Variants in TENM3 observed in about 807,000 individuals in gnomAD.
TENM3 encodes the protein teneurin-3.
In TENM3, 63 loss-of-function variants were observed where a neutral mutation model predicts 255.1. The observed-to-expected ratio is 0.25, with a 90% CI of 0.20 to 0.30. The LOEUF is 0.30. TENM3 is among the 10% of genes least tolerant of loss of function. The probability of loss-of-function intolerance (pLI) is 1.00; values close to 1 mark genes in which losing one functional copy is unlikely to be tolerated. For synonymous variants in TENM3, 1,306 were observed against 1,322.3 expected (o/e 0.99, Z 0.27); for missense variants, 2,929 against 3,461.1 (o/e 0.85, Z 3.86).
chr4:182,381,026 C>T (rs1021927774), intron 3 of TENM3, among the ~76,000 whole-genome samples: 1 of 152,162 alleles, frequency 6.6e-6, no homozygotes, highest in East Asian at 1.9e-4. Context: ...ACAGGGCTGA[C>T]GCTGACGGGC....
chr4:182,377,969 C>T (rs934605075), intron 3 of TENM3, among the ~76,000 whole-genome samples: 20 of 152,126 alleles, frequency 1.3e-4, no homozygotes, highest in African/African-American at 4.8e-4. Flanking sequence ...GGCATGCTCA[C>T]TTCAGTTCAA....
At chr4:181,826,144 T>G in the TENM3 span, among the ~76,000 whole-genome samples, 1 of 152,232 alleles carries the variant, frequency 6.6e-6, no homozygotes, top group South Asian at 2.1e-4. Flanking sequence ...TTACATATAT[T>G]TATTCCTATG....
the TENM3 span, among the ~76,000 whole-genome samples, chr4:181,544,408 TAAAAAAAAAAA>T: frequency 4.4e-5 from 3 of 68,674 alleles, no homozygotes; most frequent in Admixed American, 2.4e-4. Context: ...CCTTCAGGAT[TAAAAAAAAAAA>T]AAAAAAAAAA....
the TENM3 span, among the ~76,000 whole-genome samples, chr4:181,450,420 G>A: frequency 6.6e-6 from 1 of 152,096 alleles, no homozygotes; most frequent in Non-Finnish European, 1.5e-5. Context: ...AACTTGTGAA[G>A]GAACACAATC....
chr4:181,605,559 AAAGAAAGAAAGAGAGAGAAAGAAAGG>A, the TENM3 span, among the ~76,000 whole-genome samples: 10 of 30,498 alleles, frequency 3.3e-4, 2 homozygotes, highest in African/African-American at 5.9e-4. Context: ...AGAAAGAAAG[AAAGAAAGAAAGAGAGAGAAAGAAAGG>A]AAAGAAAGAA....
Position 182,673,199 on chromosome 4 carries a change from T to A in TENM3, c.1306T>A (p.Leu436Ile), listed in dbSNP as rs201935622. The change falls in exon 7 of 28, where the codon TTA becomes ATA. Residue 436 changes from leucine (L) to isoleucine (I), a missense_variant. Leu to Ile is a conservative substitution (Grantham distance 5, BLOSUM62 2). Around this residue, in one of 6 missense-constraint regions of TENM3, gnomAD observed 1,608 missense variants for 1,884.4 expected, o/e 0.85. Coordinates refer to ENST00000511685, the MANE Select transcript of TENM3 (RefSeq NM_001080477.4). ...GATTGGAGTATATGGCCGGAAAGGC[T>A]TACCGCCTTCCCATACTCAGGTAAG... ...ALIGVYGRKG[L>I]PPSHTQYDFV... is the part of the protein sequence containing the mutation. The A allele has an allele frequency of 4.4e-5, 71 of 1,612,496 alleles. No individual in the cohort carries two copies. The highest frequency in any genetic ancestry group is 5.5e-5 in the Non-Finnish European group (65 of 1,178,700).
chr4:182,081,375 G>A, the TENM3 span, among the ~76,000 whole-genome samples: 12 of 152,084 alleles, frequency 7.9e-5, no homozygotes, highest in East Asian at 2.3e-3. Flanking sequence ...CACAAGGTCA[G>A]GAGTTCGAGA....
intron 22 of TENM3, among the ~76,000 whole-genome samples, chr4:182,762,112 T>C (rs1763245524): frequency 6.6e-6 from 1 of 152,164 alleles, no homozygotes; most frequent in South Asian, 2.1e-4. Flanking sequence ...ACTCAAAAAA[T>C]TGCACAAAAA....
the TENM3 span, among the ~76,000 whole-genome samples, chr4:181,731,510 C>A: frequency 1.3e-5 from 2 of 151,088 alleles, no homozygotes; most frequent in Non-Finnish European, 2.9e-5. Flanking sequence ...TGCCACCACA[C>A]CCAGCTAGTT....
intron 1 of TENM3, among the ~76,000 whole-genome samples, chr4:182,225,293 A>T (rs1756083385): frequency 6.6e-6 from 1 of 152,092 alleles, no homozygotes; most frequent in African/African-American, 2.4e-5. Flanking sequence ...CTGAGAAGAG[A>T]TCTTATCAGG....
At chr4:182,502,221 G>A (rs533528654) in intron 3 of TENM3, among the ~76,000 whole-genome samples, 5 of 152,182 alleles carry the variant, frequency 3.3e-5, no homozygotes, top group Non-Finnish European at 7.4e-5. Context: ...CCTCAAGGAA[G>A]CGTTTAGGAT....
chr4:182,137,880 G>GATTTCT, the TENM3 span, among the ~76,000 whole-genome samples: 3 of 152,138 alleles, frequency 2.0e-5, no homozygotes, highest in Non-Finnish European at 4.4e-5. Context: ...TCAGAAATAG[G>GATTTCT]GGAAAGGAGC....
chr4:182,299,653 C>G lies in TENM3; in HGVS notation c.-75-24293C>G, dbSNP rs138863333. On this transcript the variant is annotated intron_variant, in intron 1 of 27. Transcript: ENST00000511685. The stretch of plus-strand genomic sequence containing the variant: ...GCACCTCAGGATAATTTGGACCAAC[C>G]CTTTACTTCCAGAAAGTCAAGGTGT... Among the ~76,000 whole-genome samples the G allele has an allele frequency of 5.9e-3, 903 of 152,172 alleles. 6 individuals carry two copies. Among genetic ancestry groups the G allele is most frequent in the Non-Finnish European group, 8.7e-3 (593 of 68,008 alleles).
chr4:182,129,086 T>C, the TENM3 span, among the ~76,000 whole-genome samples: 3 of 152,218 alleles, frequency 2.0e-5, no homozygotes, highest in African/African-American at 7.2e-5. Flanking sequence ...GGAATAGGGT[T>C]ACATCCTGAA....
intron 3 of TENM3, among the ~76,000 whole-genome samples, chr4:182,499,372 A>G (rs1394200923): frequency 6.6e-6 from 1 of 152,226 alleles, no homozygotes; most frequent in African/African-American, 2.4e-5. Flanking sequence ...GCTTAGTCTC[A>G]CAGGAGTTCT....
At chr4:182,155,899 G>T (rs1287608464) in intron 1 of TENM3, among the ~76,000 whole-genome samples, 9 of 151,960 alleles carry the variant, frequency 5.9e-5, no homozygotes, top group African/African-American at 2.2e-4. Flanking sequence ...TGAAGAGCAG[G>T]TTTTCCTTCC....
the TENM3 span, among the ~76,000 whole-genome samples, chr4:181,640,198 T>C: frequency 6.6e-6 from 1 of 152,062 alleles, no homozygotes; most frequent in Non-Finnish European, 1.5e-5. Context: ...CAATTCTCAG[T>C]CCCTACTCCA....
the TENM3 span, among the ~76,000 whole-genome samples, chr4:181,896,161 G>A: frequency 6.6e-6 from 1 of 152,156 alleles, no homozygotes; most frequent in Non-Finnish European, 1.5e-5. Flanking sequence ...AAGAGAGCAG[G>A]CCCTGGGCTT....
In TENM3 at chr4:182,177,744, T is replaced by G. The variant is rs563231370; in HGVS notation, c.-76+32990T>G. 4.6e-5 allele frequency among the ~76,000 whole-genome samples: 7 copies of G among 151,924 alleles called. No homozygotes were observed. The South Asian group carries it at 1.5e-3, about 32-fold the overall frequency. ...GGTTTCACCATGTTGTCCAGGCTGG[T>G]CTTGAACTCCTGGGCTCAAGTGATC... On this transcript the variant is annotated intron_variant, in intron 1 of 2. Coordinates refer to the TENM3 transcript ENST00000512480.
Sources: allele counts gnomAD v4.1 joint callset (sites outside exome capture counted in the v4.1 genomes callset), GRCh38; gene constraint gnomAD v4.1.1; regional missense constraint gnomAD v4.1.1; transcripts MANE v1.5; gene names NCBI Gene and HGNC (gene_info 2026-07-23, HGNC 2026-07-21).